The following FBXO22 variants were observed in gnomAD, a reference collection of about 807,000 sequenced individuals.
FBXO22 encodes the protein F-box protein 22, also known as F-box only protein 22.
FBXO22 carries 13 observed loss-of-function variants against 37.2 expected under a neutral mutation model. That is an observed-to-expected ratio of 0.35 (90% CI 0.23 to 0.56). The LOEUF is 0.56. Ranked by LOEUF, FBXO22 falls within the 20% of genes least tolerant of loss-of-function variation. FBXO22 has a pLI of 0.87. For missense variants in FBXO22, 446 were observed against 509.9 expected (o/e 0.87, Z 1.21); for synonymous variants, 189 against 189.1 (o/e 1.00, Z 0.00).
Position 75,903,904 on chromosome 15 carries a change from G to A in FBXO22, c.-60G>A. On this transcript the variant is annotated 5_prime_UTR_variant, in exon 1 of 7. It removes an upstream start codon present in the reference 5' UTR. Coordinates refer to ENST00000308275, the MANE Select transcript of FBXO22 (RefSeq NM_147188.3). ...GTGCGCGCCGGCCGGGCAACCCTAT[G>A]CTGGCGTAATCGGGTTCCTCCGAGC... is the stretch of plus-strand genomic sequence containing the variant. 7.0e-7 allele frequency: 1 copy of A among 1,437,464 alleles called. No homozygotes were observed. The highest frequency in any genetic ancestry group is 9.2e-7 in the Non-Finnish European group (1 of 1,091,734). The allele number at this position is 1,437,464 out of a possible 1,614,324, so 89.0% of individuals were successfully genotyped here.
In FBXO22 at chr15:75,940,720, C is replaced by T. The variant is rs918985524; in HGVS notation, c.*7618C>T. The T allele has an allele frequency of 6.6e-6, 1 of 151,912 alleles. No individual in the cohort carries two copies. Among genetic ancestry groups the T allele is most frequent in the Non-Finnish European group, 1.5e-5 (1 of 67,938 alleles). The allele number at this position is 151,912 out of a possible 1,614,324, so 9.4% of individuals were successfully genotyped here. On this transcript the variant is annotated 3_prime_UTR_variant, in exon 7 of 7. Transcript: ENST00000308275. The stretch of plus-strand genomic sequence containing the variant: ...AGGTAAATGATTTTTGACAAGGGTG[C>T]CAAGGCTATTCCAAGGATAGTTTTT...
chr15:75,932,551 A>T, intron 6 of FBXO22, 134 bp from the exon 7 acceptor site: 1 of 789,194 alleles, frequency 1.3e-6, no homozygotes. Flanking sequence ...TTACTCACCT[A>T]TGAGGGTGAG....
intron 2 of FBXO22, among the ~76,000 whole-genome samples, chr15:75,907,499 A>T (rs993376034): frequency 6.6e-6 from 1 of 152,172 alleles, no homozygotes; most frequent in African/African-American, 2.4e-5. Flanking sequence ...TGAAAACTCT[A>T]TCCAAATCAT....
intron 5 of FBXO22, among the ~76,000 whole-genome samples, chr15:75,922,759 C>T (rs1900354657): frequency 1.3e-5 from 2 of 152,018 alleles, no homozygotes; most frequent in East Asian, 3.9e-4. Flanking sequence ...CTTTAGAGTC[C>T]AGGCAAGAAA....
In FBXO22 at chr15:75,904,244, A is replaced by G. The variant is rs1372307168; in HGVS notation, c.140+141A>G. 4.8e-6 allele frequency: 6 copies of G among 1,246,052 alleles called. No homozygotes were observed. In the African/African-American group the frequency reaches 6.1e-5, roughly 13 times the overall value. The allele number at this position is 1,246,052 out of a possible 1,614,324, so 77.2% of individuals were successfully genotyped here. On this transcript the variant is annotated intron_variant, in intron 1 of 6. Coordinates refer to ENST00000308275, the MANE Select transcript of FBXO22 (RefSeq NM_147188.3). ...CTCGCCCTACCTGAGGTGACCCCCT[A>G]CCCGCGAGGTATCTCCCAGCCGTGG...
At chr15:75,930,121 TAAC>T (rs1231263825) in intron 6 of FBXO22, 72 bp downstream of exon 6, 6 of 1,602,390 alleles carry the variant, frequency 3.7e-6, no homozygotes, top group African/African-American at 1.3e-5. Context: ...ACTTTGGGGT[TAAC>T]AATTTAAAAA....
rs571538733 is a variant in FBXO22 at position 75,912,503 on chromosome 15, G to A, written c.280-700G>A. ...TCTTCCTGGTTTAGTGTTGGAAGGG[G>A]GTATGTGTCCAGGAATTTATCCATT... On this transcript the variant is annotated intron_variant, in intron 2 of 6. Transcript: ENST00000308275. Among the ~76,000 whole-genome samples the A allele has an allele frequency of 2.0e-5, 3 of 152,092 alleles. No homozygotes were observed. In the South Asian group the frequency reaches 6.2e-4, roughly 32 times the overall value.
rs1367457633 is a variant in FBXO22, at chr15:75,936,982, ATATT to A, written c.*3885_*3888del. 2 of 152,336 alleles carry A rather than the reference ATATT, an allele frequency of 1.3e-5. No homozygotes were observed. The highest frequency in any genetic ancestry group is 2.4e-5 in the African/African-American group (1 of 41,576). The allele number at this position is 152,336 out of a possible 1,614,324, so 9.4% of individuals were successfully genotyped here. ...AATTTAGAAGAAATTGAAAGAAAATATATTTATTAATGTTGCTTTTAAATGCAAA... is the reference window on the plus strand; with the variant it reads ...AATTTAGAAGAAATTGAAAGAAAATATATTAATGTTGCTTTTAAATGCAAA... On this transcript the variant is annotated 3_prime_UTR_variant, in exon 7 of 7. Coordinates refer to ENST00000308275, the MANE Select transcript of FBXO22 (RefSeq NM_147188.3).
chr15:75,927,280 T>G (rs1900465299), intron 5 of FBXO22, among the ~76,000 whole-genome samples: 4 of 152,188 alleles, frequency 2.6e-5, no homozygotes, highest in Admixed American at 2.0e-4. Flanking sequence ...TTTTTAAAAT[T>G]TTCCTTTACA....
chr15:75,930,247 A>G (rs2029967012), intron 6 of FBXO22, 198 bp downstream of exon 6: 2 of 1,427,890 alleles, frequency 1.4e-6, no homozygotes, highest in Non-Finnish European at 1.8e-6. Context: ...ATTTTTATAT[A>G]TATTGTCCTT....
chr15:75,937,181 A>G lies in FBXO22; in HGVS notation c.*4079A>G, dbSNP rs1345927338. The G allele has an allele frequency of 6.6e-6, 1 of 151,862 alleles. No homozygotes were observed. The highest frequency in any genetic ancestry group is 1.5e-5 in the Non-Finnish European group (1 of 67,982). 9.4% of individuals were successfully genotyped at this position (151,862 alleles called of 1,614,324 possible). Reference sequence around the variant, plus strand: ...ATCAGCAAAAATGGGTGGACTAGGAAGCTGCAAGCTTTTGTTTGCCTATCA... The same window carrying G: ...ATCAGCAAAAATGGGTGGACTAGGAGGCTGCAAGCTTTTGTTTGCCTATCA... On this transcript the variant is annotated 3_prime_UTR_variant, in exon 7 of 7. Coordinates refer to ENST00000308275, the MANE Select transcript of FBXO22 (RefSeq NM_147188.3).
intron 5 of FBXO22, among the ~76,000 whole-genome samples, chr15:75,918,711 C>G (rs1900246725): frequency 2.0e-5 from 3 of 152,142 alleles, no homozygotes; most frequent in Non-Finnish European, 4.4e-5. Flanking sequence ...CATGGATGAA[C>G]CTGGAGGATG....
chr15:75,912,135 G>A (rs562829178), intron 2 of FBXO22, among the ~76,000 whole-genome samples: 1 of 152,044 alleles, frequency 6.6e-6, no homozygotes, highest in African/African-American at 2.4e-5. Context: ...CTTGATTGTG[G>A]TAGATAAGCT....
chr15:75,917,210 C>T lies in FBXO22; in HGVS notation c.464-20C>T. The T allele has an allele frequency of 4.4e-6, 7 of 1,591,668 alleles. No individual in the cohort carries two copies. Among genetic ancestry groups the T allele is most frequent in the Non-Finnish European group, 6.0e-6 (7 of 1,169,106 alleles). On this transcript the variant is annotated intron_variant, in intron 4 of 6. Transcript: ENST00000308275. ...GTTTTTACTGACTCTATTGGTGAAACTGTTTAACTTTTTCTCTAGTGACTC... is the reference window on the plus strand; with the variant it reads ...GTTTTTACTGACTCTATTGGTGAAATTGTTTAACTTTTTCTCTAGTGACTC...
chr15:75,940,292 T>C lies in FBXO22; in HGVS notation c.*7190T>C, dbSNP rs1426083197. On this transcript the variant is annotated 3_prime_UTR_variant, in exon 7 of 7. Coordinates refer to ENST00000308275, the MANE Select transcript of FBXO22 (RefSeq NM_147188.3). ...ACAGAAATTAGCTTACCCAAGGTGG[T>C]AAATGGCTTGTACAATGAAAACTAC... is the stretch of plus-strand genomic sequence containing the variant. 1.3e-5 allele frequency: 2 copies of C among 152,076 alleles called. No homozygotes were observed. Among genetic ancestry groups the C allele is most frequent in the African/African-American group, 2.4e-5 (1 of 41,412 alleles). The allele number at this position is 152,076 out of a possible 1,614,324, so 9.4% of individuals were successfully genotyped here.
At chr15:75,930,467 T>C (rs1471956507) in intron 6 of FBXO22, 3 of 989,540 alleles carry the variant, frequency 3.0e-6, no homozygotes, top group Middle Eastern at 5.1e-4. Flanking sequence ...GGAAGGAGAA[T>C]AGCATTACCT....
intron 5 of FBXO22, among the ~76,000 whole-genome samples, chr15:75,927,091 C>T (rs983660825): frequency 2.6e-5 from 4 of 152,148 alleles, no homozygotes; most frequent in African/African-American, 9.7e-5. Context: ...TGCCTAAAGC[C>T]TTTTGCCTTT....
Position 75,930,057 on chromosome 15 carries a change from T to C in FBXO22, c.794+8T>C. The C allele has an allele frequency of 6.2e-7, 1 of 1,613,956 alleles. No individual in the cohort carries two copies. The highest frequency in any genetic ancestry group is 2.2e-5 in the East Asian group (1 of 44,876). On this transcript the variant is annotated splice_region_variant and intron_variant, in intron 6 of 6. Coordinates refer to ENST00000308275, the MANE Select transcript of FBXO22 (RefSeq NM_147188.3). ...ATCACTGACTTCTGAAAAGTATGTC[T>C]TGTGTGCTTCTGATTTCGTCTGTGA... is the stretch of plus-strand genomic sequence containing the variant.
At position 75,933,997 on chromosome 15, in the gene FBXO22, T is replaced by G. The variant is rs2030165625; in HGVS notation, c.*895T>G. ...TGTACAAATATCTAAATAAGAGATG[T>G]GCAGAGAGCACCAATTTTCCTTCAA... On this transcript the variant is annotated 3_prime_UTR_variant, in exon 7 of 7. Coordinates refer to ENST00000308275, the MANE Select transcript of FBXO22 (RefSeq NM_147188.3). The G allele has an allele frequency of 6.5e-6, 1 of 154,292 alleles. No homozygotes were observed. The highest frequency in any genetic ancestry group is 1.9e-4 in the South Asian group (1 of 5,144). 9.6% of individuals were successfully genotyped at this position (154,292 alleles called of 1,614,324 possible).
Sources: allele counts gnomAD v4.1 joint callset (sites outside exome capture counted in the v4.1 genomes callset), GRCh38; gene constraint gnomAD v4.1.1; transcripts MANE v1.5; gene names NCBI Gene and HGNC (gene_info 2026-07-23, HGNC 2026-07-21).